Variants in WIPI2 observed in about 807,000 individuals in gnomAD.
The protein encoded by WIPI2 is WD repeat domain phosphoinositide-interacting protein 2.
Under a neutral mutation model 52.3 loss-of-function variants are expected in WIPI2, and 28 were observed. That is an observed-to-expected ratio of 0.54 (90% CI 0.40 to 0.73). The LOEUF (loss-of-function observed/expected upper bound fraction) is 0.73, where lower values mean the gene tolerates loss of function less well. WIPI2 is among the 30% of genes least tolerant of loss of function. WIPI2 has a pLI of 0.00. For synonymous variants in WIPI2, 268 were observed against 245.0 expected (o/e 1.09, Z -0.88); for missense variants, 506 against 602.9 (o/e 0.84, Z 1.68).
At chr7:5,195,284 C>T (rs538001901) in intron 2 of WIPI2, among the ~76,000 whole-genome samples, 2 of 152,012 alleles carry the variant, frequency 1.3e-5, no homozygotes, top group Non-Finnish European at 2.9e-5. Flanking sequence ...TTCAGGAGTT[C>T]AAGACCAGGT....
chr7:5,213,955 G>T (rs917854726), intron 3 of WIPI2, among the ~76,000 whole-genome samples: 14 of 152,196 alleles, frequency 9.2e-5, no homozygotes, highest in Non-Finnish European at 7.3e-5. Context: ...AAAGTGCTGG[G>T]ATTACAGGCG....
chr7:5,202,192 G>T (rs1782058189), intron 3 of WIPI2, among the ~76,000 whole-genome samples: 1 of 152,140 alleles, frequency 6.6e-6, no homozygotes, highest in Non-Finnish European at 1.5e-5. Flanking sequence ...GCCAGAGCTG[G>T]TCTTAGAGAA....
At chr7:5,194,104 G>A (rs1781621885) in intron 2 of WIPI2, among the ~76,000 whole-genome samples, 1 of 152,152 alleles carries the variant, frequency 6.6e-6, no homozygotes, top group Admixed American at 6.6e-5. Context: ...CTTGGGTTCT[G>A]GGTGAATGTG....
rs1783830433 is a variant in WIPI2 at position 5,233,588 on chromosome 7, C to G, written c.*2641C>G. ...TTCTGTAATCTCTAAAACAATGGGA[C>G]CAAGAGCTGGATGGAACCTGGAGTC... On this transcript the variant is annotated 3_prime_UTR_variant, in exon 13 of 13. Transcript: ENST00000288828. The G allele has an allele frequency of 2.0e-5, 3 of 152,588 alleles. No homozygotes were observed. The highest frequency in any genetic ancestry group is 2.0e-4 in the Admixed American group (3 of 15,272). The allele number at this position is 152,588 out of a possible 1,614,324, so 9.5% of individuals were successfully genotyped here. A position where few individuals can be genotyped will look rare whatever the true frequency, so the allele number is the denominator to read the frequency against.
chr7:5,203,707 A>C (rs1782146557), intron 3 of WIPI2, among the ~76,000 whole-genome samples: 1 of 134,952 alleles, frequency 7.4e-6, no homozygotes, highest in Admixed American at 9.3e-5. Context: ...ATCTTGGCTC[A>C]CTGCAAGCTC....
chr7:5,205,882 G>GTT, intron 3 of WIPI2, among the ~76,000 whole-genome samples: 1 of 145,056 alleles, frequency 6.9e-6, no homozygotes, highest in East Asian at 2.0e-4. Flanking sequence ...TGCTGCCACT[G>GTT]TTTTTTTTTT....
At chr7:5,213,805 G>C (rs975851410) in intron 3 of WIPI2, among the ~76,000 whole-genome samples, 1 of 152,030 alleles carries the variant, frequency 6.6e-6, no homozygotes, top group Non-Finnish European at 1.5e-5. Flanking sequence ...CCTGCCTCAG[G>C]CTCCTGAGTA....
At chr7:5,225,795 GCCCGCC>G (rs1380624065) in intron 8 of WIPI2, 22 bp from the exon 9 acceptor site, 15 of 1,573,708 alleles carry the variant, frequency 9.5e-6, no homozygotes, top group Non-Finnish European at 1.2e-5. Flanking sequence ...GGCTCCGGTG[GCCCGCC>G]CCAACCTGTG....
At position 5,231,110 on chromosome 7, in the gene WIPI2, A is replaced by G. The variant is rs1288774928; in HGVS notation, c.*163A>G. 2 of 453,500 alleles carry G rather than the reference A, an allele frequency of 4.4e-6. No individual in the cohort carries two copies. The highest frequency in any genetic ancestry group is 7.7e-6 in the Non-Finnish European group (2 of 260,786). 28.1% of individuals were successfully genotyped at this position (453,500 alleles called of 1,614,324 possible). On this transcript the variant is annotated 3_prime_UTR_variant, in exon 13 of 13. Coordinates refer to ENST00000288828, the MANE Select transcript of WIPI2 (RefSeq NM_015610.4). ...GTGGTAGTCTAACTCCATAACGCTG[A>G]GGAAATACATCATTTTCACTTCAGT... is the stretch of plus-strand genomic sequence containing the variant.
chr7:5,217,772 C>T (rs1474786110), intron 6 of WIPI2, 150 bp from the exon 7 acceptor site: 3 of 734,684 alleles, frequency 4.1e-6, no homozygotes, highest in Non-Finnish European at 7.1e-6. Flanking sequence ...CTTGGATGCC[C>T]AGCCCCAGTA....
At chr7:5,214,285 G>C (rs1025490634) in intron 3 of WIPI2, 3 of 1,484,148 alleles carry the variant, frequency 2.0e-6, no homozygotes, top group African/African-American at 1.4e-5. Context: ...CTGACTGAAA[G>C]GAACCTTTGT....
chr7:5,217,165 A>G lies in WIPI2; in HGVS notation c.554A>G (p.Gln185Arg), dbSNP rs1316293822. 1 of 1,614,150 alleles carries G rather than the reference A, an allele frequency of 6.2e-7. No homozygotes were observed. The highest frequency in any genetic ancestry group is 1.1e-5 in the South Asian group (1 of 91,080). The change falls in exon 6 of 13, where the codon CAG becomes CGG. Residue 185 changes from glutamine to arginine, a missense_variant. Gln to Arg is a conservative substitution (Grantham distance 43). Coordinates refer to ENST00000288828, the MANE Select transcript of WIPI2 (RefSeq NM_015610.4). ...YPGSATIGEV[Q>R]VFDTINLRAA... is the part of the protein sequence containing the mutation. ...GGGAGCGCGACCATCGGAGAGGTGC[A>G]GGTCTTCGATACCATTAATTTGGTG...
chr7:5,203,674 C>G (rs558410679), intron 3 of WIPI2, among the ~76,000 whole-genome samples: 8 of 147,520 alleles, frequency 5.4e-5, no homozygotes, highest in South Asian at 4.3e-4. Context: ...GCTCTGTAGC[C>G]CAGGCTGGAG....
intron 3 of WIPI2, among the ~76,000 whole-genome samples, chr7:5,207,637 G>A (rs970072333): frequency 4.6e-5 from 7 of 152,072 alleles, no homozygotes; most frequent in Non-Finnish European, 7.4e-5. Flanking sequence ...GATAAATATT[G>A]TAGTGGAATT....
rs1781405603 is a variant in WIPI2 at position 5,190,276 on chromosome 7, G to T, written c.-144G>T. 2.5e-6 allele frequency: 1 copy of T among 399,594 alleles called. No individual in the cohort carries two copies. The highest frequency in any genetic ancestry group is 1.2e-4 in the South Asian group (1 of 8,346). The allele number at this position is 399,594 out of a possible 1,614,324, so 24.8% of individuals were successfully genotyped here. ...CTGGAGCATAAACAAGAGCGGGGAC[G>T]GGATGAGGCGGCGGTTGATCCCAGG... On this transcript the variant is annotated 5_prime_UTR_variant, in exon 1 of 13. Coordinates refer to ENST00000288828, the MANE Select transcript of WIPI2 (RefSeq NM_015610.4).
At chr7:5,214,137 T>G in intron 3 of WIPI2, 1 of 564,054 alleles carries the variant, frequency 1.8e-6, no homozygotes, top group Non-Finnish European at 2.7e-6. Flanking sequence ...GCTCAGCACA[T>G]GAGTCTATGG....
At chr7:5,212,545 G>T (rs1251181412) in intron 3 of WIPI2, among the ~76,000 whole-genome samples, 1 of 152,108 alleles carries the variant, frequency 6.6e-6, no homozygotes, top group African/African-American at 2.4e-5. Flanking sequence ...GGGCAGGACT[G>T]GTATTACAGA....
intron 3 of WIPI2, among the ~76,000 whole-genome samples, chr7:5,204,063 G>A (rs1244019370): frequency 2.0e-5 from 3 of 152,196 alleles, no homozygotes; most frequent in African/African-American, 4.8e-5. Context: ...CTAGCAGCCT[G>A]ATCCATTGTC....
intron 5 of WIPI2, 29 bp from the exon 6 acceptor site, chr7:5,217,061 G>A: frequency 6.3e-7 from 1 of 1,591,964 alleles, no homozygotes; most frequent in Non-Finnish European, 8.6e-7. Context: ...GTGGAAGTTT[G>A]CATCTCGTCC....
Sources: allele counts gnomAD v4.1 joint callset (sites outside exome capture counted in the v4.1 genomes callset), GRCh38; gene constraint gnomAD v4.1.1; transcripts MANE v1.5; gene names NCBI Gene and HGNC (gene_info 2026-07-23, HGNC 2026-07-21).